The following TAFA4 variants were observed in gnomAD, a reference collection of about 807,000 sequenced individuals.
TAFA4 encodes TAFA chemokine like family member 4, also known as chemokine-like protein TAFA-4.
In TAFA4, 20 loss-of-function variants were observed where a neutral mutation model predicts 21.1. The ratio of observed to expected loss-of-function variants is 0.95; its 90% CI spans 0.67 to 1.38. The LOEUF (loss-of-function observed/expected upper bound fraction) is 1.38, where lower values mean the gene tolerates loss of function less well. Ranked by LOEUF, TAFA4 falls within the 40% of genes most tolerant of loss-of-function variation. The pLI, the probability that TAFA4 is intolerant of heterozygous loss-of-function variation, is 0.00. For synonymous variants in TAFA4, 71 were observed against 67.4 expected, an observed-to-expected ratio of 1.05 and a Z score of -0.26; for missense variants, 211 against 180.9, an observed-to-expected ratio of 1.17 and a Z score of -0.95.
In TAFA4 at chr3:68,732,710, C is replaced by T. The variant is rs1159478886; in HGVS notation, c.*432G>A. 3 of 159,148 alleles carry T rather than the reference C, an allele frequency of 1.9e-5. No homozygotes were observed. The highest frequency in any genetic ancestry group is 2.7e-5 in the Non-Finnish European group (2 of 72,920). 9.9% of individuals were successfully genotyped at this position (159,148 alleles called of 1,614,324 possible). ...TATGTTTTGCCAAAATCTTTTTAGA[C>T]CCCTTTAAAACCACTTTAATACAAG... On this transcript the variant is annotated 3_prime_UTR_variant, in exon 6 of 6. Transcript: ENST00000295569.
At chr3:68,744,059 T>C (rs780666962) in intron 4 of TAFA4, among the ~76,000 whole-genome samples, 1 of 152,236 alleles carries the variant, frequency 6.6e-6, no homozygotes, top group Non-Finnish European at 1.5e-5. Flanking sequence ...TAGTTGTATT[T>C]ACATAGAATT....
At chr3:68,901,744 C>T (rs1422064571) in intron 1 of TAFA4, among the ~76,000 whole-genome samples, 1 of 152,106 alleles carries the variant, frequency 6.6e-6, no homozygotes, top group Non-Finnish European at 1.5e-5. Context: ...TTTGTAAAAT[C>T]TGAAACAAAC....
At chr3:68,915,262 G>A (rs1398953006) in intron 1 of TAFA4, among the ~76,000 whole-genome samples, 1 of 152,116 alleles carries the variant, frequency 6.6e-6, no homozygotes, top group African/African-American at 2.4e-5. Flanking sequence ...TGGCCCAATG[G>A]CAACTAGAAC....
At chr3:68,830,543 G>C (rs1213963956) in intron 3 of TAFA4, among the ~76,000 whole-genome samples, 1 of 152,190 alleles carries the variant, frequency 6.6e-6, no homozygotes, top group Non-Finnish European at 1.5e-5. Context: ...TTGCACTGTG[G>C]TCTGAGAGAC....
At chr3:68,885,416 C>T (rs1162807668) in intron 1 of TAFA4, 106 bp from the exon 2 acceptor site, 12 of 538,098 alleles carry the variant, frequency 2.2e-5, no homozygotes, top group Non-Finnish European at 3.0e-5. Flanking sequence ...ATGACACCTG[C>T]AGTTTCAGGC....
At chr3:68,892,341 T>C (rs2089737860) in intron 1 of TAFA4, among the ~76,000 whole-genome samples, 2 of 152,176 alleles carry the variant, frequency 1.3e-5, no homozygotes, top group African/African-American at 4.8e-5. Context: ...CTATTAAATA[T>C]TAAAGAATTT....
At chr3:68,785,678 C>T (rs1055118249) in intron 3 of TAFA4, among the ~76,000 whole-genome samples, 8 of 152,178 alleles carry the variant, frequency 5.3e-5, no homozygotes, top group Non-Finnish European at 7.3e-5. Flanking sequence ...CTGAGGGAGA[C>T]GGCTCCGGCC....
At chr3:68,754,580 C>A (rs1420218687) in intron 3 of TAFA4, among the ~76,000 whole-genome samples, 1 of 152,150 alleles carries the variant, frequency 6.6e-6, no homozygotes, top group Non-Finnish European at 1.5e-5. Context: ...GTGCTACTAC[C>A]TTTAATTAAA....
chr3:68,877,972 G>T (rs569264046), intron 3 of TAFA4, among the ~76,000 whole-genome samples: 1 of 152,224 alleles, frequency 6.6e-6, no homozygotes, highest in African/African-American at 2.4e-5. Flanking sequence ...TTTTACAGAT[G>T]ATAAAACAGG....
intron 3 of TAFA4, among the ~76,000 whole-genome samples, chr3:68,783,174 C>T (rs1286125729): frequency 1.3e-5 from 2 of 152,156 alleles, no homozygotes; most frequent in Non-Finnish European, 2.9e-5. Flanking sequence ...AGCAAACATA[C>T]ACAACTATGA....
intron 3 of TAFA4, among the ~76,000 whole-genome samples, chr3:68,765,396 T>C (rs750180629): frequency 9.9e-5 from 15 of 152,180 alleles, no homozygotes; most frequent in Non-Finnish European, 1.8e-4. Flanking sequence ...CTAAGTAAAA[T>C]AGGCTCCAGC....
intron 3 of TAFA4, among the ~76,000 whole-genome samples, chr3:68,829,491 T>C (rs148725109): frequency 0.013 from 2,047 of 152,326 alleles, 39 homozygotes; most frequent in African/African-American, 0.047. Context: ...TGGATTACGT[T>C]TATTGATTTG....
chr3:68,922,975 G>C (rs1329344832), intron 1 of TAFA4, among the ~76,000 whole-genome samples: 1 of 152,116 alleles, frequency 6.6e-6, no homozygotes, highest in Non-Finnish European at 1.5e-5. Flanking sequence ...ACTCACCCAT[G>C]AGGAACATGG....
intron 1 of TAFA4, among the ~76,000 whole-genome samples, chr3:68,929,813 G>C (rs972865366): frequency 3.9e-5 from 6 of 152,204 alleles, no homozygotes; most frequent in Admixed American, 3.9e-4. Flanking sequence ...GCAGCTAACG[G>C]AGAGTTAGTA....
At chr3:68,848,303 T>C (rs941138044) in intron 3 of TAFA4, among the ~76,000 whole-genome samples, 9 of 152,192 alleles carry the variant, frequency 5.9e-5, no homozygotes, top group African/African-American at 1.4e-4. Flanking sequence ...CATACATGGC[T>C]CTAAGGCTAG....
intron 1 of TAFA4, among the ~76,000 whole-genome samples, chr3:68,906,281 T>C (rs945879090): frequency 1.3e-5 from 2 of 152,234 alleles, no homozygotes; most frequent in African/African-American, 4.8e-5. Flanking sequence ...TGATTACACA[T>C]GTCCCTCCCT....
At chr3:68,823,512 T>G (rs996878610) in intron 3 of TAFA4, among the ~76,000 whole-genome samples, 3 of 152,178 alleles carry the variant, frequency 2.0e-5, no homozygotes, top group Non-Finnish European at 4.4e-5. Context: ...GGTAAACATG[T>G]GCCCTGGTGG....
intron 3 of TAFA4, among the ~76,000 whole-genome samples, chr3:68,767,820 T>C (rs1252461278): frequency 6.6e-6 from 1 of 152,052 alleles, no homozygotes; most frequent in Non-Finnish European, 1.5e-5. Flanking sequence ...CACATACATA[T>C]GTGCACACAC....
intron 3 of TAFA4, among the ~76,000 whole-genome samples, chr3:68,823,111 G>A (rs1704148787): frequency 6.6e-6 from 1 of 152,100 alleles, no homozygotes; most frequent in Admixed American, 6.6e-5. Context: ...GATTTCTGGT[G>A]GTCTTTTCAC....
Sources: allele counts gnomAD v4.1 joint callset (sites outside exome capture counted in the v4.1 genomes callset), GRCh38; gene constraint gnomAD v4.1.1; transcripts MANE v1.5; gene names NCBI Gene and HGNC (gene_info 2026-07-23, HGNC 2026-07-21).